Variants in YTHDF3 observed in about 807,000 individuals in gnomAD.
YTHDF3 encodes the protein YTH domain-containing family protein 3.
In YTHDF3, 9 loss-of-function variants were observed where a neutral mutation model predicts 52.5. The observed-to-expected ratio is 0.17, with a 90% CI of 0.10 to 0.30. The LOEUF (loss-of-function observed/expected upper bound fraction) is 0.30, where lower values mean the gene tolerates loss of function less well. YTHDF3 is among the 10% of genes least tolerant of loss of function. YTHDF3 has a pLI of 1.00. For missense variants in YTHDF3, 534 were observed against 715.0 expected, an observed-to-expected ratio of 0.75 and a Z score of 2.89; for synonymous variants, 274 against 243.3, an observed-to-expected ratio of 1.13 and a Z score of -1.18.
At chr8:63,206,383 T>G (rs976482893) in intron 4 of YTHDF3, among the ~76,000 whole-genome samples, 13 of 152,280 alleles carry the variant, frequency 8.5e-5, no homozygotes, top group African/African-American at 1.9e-4. Flanking sequence ...TTCTTTTGCC[T>G]GCTCCAAACT....
chr8:63,176,448 T>G (rs1807697959), intron 3 of YTHDF3, among the ~76,000 whole-genome samples: 1 of 151,554 alleles, frequency 6.6e-6, no homozygotes, highest in South Asian at 2.1e-4. Flanking sequence ...CCCGGGTAAT[T>G]TTTTTGTATT....
chr8:63,169,010 T>C (rs1807084357), intron 1 of YTHDF3, 109 bp downstream of exon 1: 3 of 1,477,086 alleles, frequency 2.0e-6, no homozygotes. Flanking sequence ...CCCATAACGG[T>C]GCCCCGGGCG....
chr8:63,181,397 T>C (rs1808127121), intron 3 of YTHDF3, among the ~76,000 whole-genome samples: 1 of 152,244 alleles, frequency 6.6e-6, no homozygotes, highest in African/African-American at 2.4e-5. Flanking sequence ...ATTTATTATA[T>C]GAATGCCCTT....
chr8:63,169,106 G>C (rs1807096894), intron 1 of YTHDF3: 1 of 1,384,076 alleles, frequency 7.2e-7, no homozygotes, highest in African/African-American at 1.5e-5. Flanking sequence ...GCCGCGGCGG[G>C]TGGGGGCAAG....
chr8:63,187,108 A>C lies in YTHDF3; in HGVS notation c.1097A>C (p.Gln366Pro). Reference protein sequence around the residue: ...APRNRGAGFNQNNGAGSENFG... With the variant: ...APRNRGAGFNPNNGAGSENFG... ...CGTAACAGGGGAGCAGGCTTCAACC[A>C]GAACAATGGAGCGGGCAGTGAAAAC... The change falls in exon 4 of 5, where the codon CAG becomes CCG. Residue 366 changes from glutamine (Q) to proline (P), a missense_variant. Transcript: ENST00000539294. 6.2e-7 allele frequency: 1 copy of C among 1,613,914 alleles called. No homozygotes were observed. Among genetic ancestry groups the C allele is most frequent in the South Asian group, 1.1e-5 (1 of 91,076 alleles).
At chr8:63,168,577 G>A (rs993898184), upstream of YTHDF3, 4 of 538,748 alleles carry the variant, frequency 7.4e-6, no homozygotes, top group East Asian at 3.5e-5. Context: ...GAGCGCGGAC[G>A]TCAGAGTGGA....
chr8:63,200,998 TCAG>T (rs1201827825), intron 4 of YTHDF3, among the ~76,000 whole-genome samples: 1 of 152,210 alleles, frequency 6.6e-6, no homozygotes, highest in Non-Finnish European at 1.5e-5. Flanking sequence ...GAATTGTTAT[TCAG>T]CAGGCATTTT....
At position 63,186,238 on chromosome 8, in the gene YTHDF3, G is replaced by T. The variant is rs1352320447; in HGVS notation, c.227G>T (p.Trp76Leu). The change falls in exon 4 of 5, where the codon TGG (tryptophan) becomes TTG (leucine). Residue 76 changes from tryptophan (W) to leucine (L), a missense_variant. Around this residue, in one of 3 missense-constraint regions of YTHDF3, gnomAD observed 196 missense variants for 299.5 expected, o/e 0.65. Transcript: ENST00000539294. ...GFPYSLGEAA[W>L]STAGDQPMPY... ...CCATATTCTCTTGGGGAAGCAGCGTGGTCCACAGCTGGAGACCAGCCTATG... is the reference window on the plus strand; with the variant it reads ...CCATATTCTCTTGGGGAAGCAGCGTTGTCCACAGCTGGAGACCAGCCTATG... 6.2e-7 allele frequency: 1 copy of T among 1,613,824 alleles called. No individual in the cohort carries two copies. Among genetic ancestry groups the T allele is most frequent in the African/African-American group, 1.3e-5 (1 of 74,900 alleles).
chr8:63,192,438 C>T (rs1465555563), intron 4 of YTHDF3, among the ~76,000 whole-genome samples: 1 of 152,134 alleles, frequency 6.6e-6, no homozygotes, highest in East Asian at 1.9e-4. Flanking sequence ...ATTGACCAGC[C>T]TGTGGAGATT....
rs1337298962 is a variant in YTHDF3, at chr8:63,211,626, A to G, written c.*1920A>G. 1.3e-5 allele frequency: 2 copies of G among 152,512 alleles called. No individual in the cohort carries two copies. The highest frequency in any genetic ancestry group is 6.6e-5 in the Admixed American group (1 of 15,262). 9.4% of individuals were successfully genotyped at this position (152,512 alleles called of 1,614,324 possible). ...TCTTTTTCTTGGTGCTTTATTAGCA[A>G]CTCTGGATATTTTTATAAAACTAGT... On this transcript the variant is annotated 3_prime_UTR_variant, in exon 5 of 5. Coordinates refer to ENST00000539294, the MANE Select transcript of YTHDF3 (RefSeq NM_152758.6).
chr8:63,179,222 T>C (rs1807904171), intron 3 of YTHDF3, among the ~76,000 whole-genome samples: 1 of 152,002 alleles, frequency 6.6e-6, no homozygotes, highest in Non-Finnish European at 1.5e-5. Context: ...GTCCTTCATT[T>C]CTTTTTTTTT....
intron 2 of YTHDF3, chr8:63,173,794 T>A: frequency 9.1e-6 from 4 of 441,794 alleles, no homozygotes; most frequent in South Asian, 1.9e-4. Context: ...ATATTTAAAT[T>A]CCATGGAGCA....
At chr8:63,185,843 A>G (rs537022394) in intron 3 of YTHDF3, among the ~76,000 whole-genome samples, 50 of 152,218 alleles carry the variant, frequency 3.3e-4, no homozygotes, top group Non-Finnish European at 5.9e-4. Context: ...AGAAATTATG[A>G]TATTTTTAAA....
At chr8:63,176,064 T>C (rs536885156) in intron 3 of YTHDF3, among the ~76,000 whole-genome samples, 3 of 152,340 alleles carry the variant, frequency 2.0e-5, no homozygotes, top group East Asian at 1.9e-4. Context: ...AATTTAAACA[T>C]TGAAGAACAA....
rs572140296 is a variant in YTHDF3, at chr8:63,198,957, C to T, written c.1735-10726C>T. ...TTTGATACAATAAACTTTTATGTAA[C>T]ATATTTAATTAAATAATGTAACATA... On this transcript the variant is annotated intron_variant, in intron 4 of 4. Coordinates refer to ENST00000539294, the MANE Select transcript of YTHDF3 (RefSeq NM_152758.6). Among the ~76,000 whole-genome samples the T allele has an allele frequency of 6.8e-4, 104 of 151,900 alleles. 3 individuals carry two copies. In the South Asian group the frequency reaches 0.021, roughly 31 times the overall value.
At chr8:63,181,730 C>G (rs967175387) in intron 3 of YTHDF3, among the ~76,000 whole-genome samples, 89 of 152,254 alleles carry the variant, frequency 5.8e-4, no homozygotes, top group African/African-American at 2.0e-3. Context: ...GTGAAGTGCT[C>G]CCAGTTGGAG....
intron 4 of YTHDF3, among the ~76,000 whole-genome samples, chr8:63,193,253 C>G (rs1809025191): frequency 6.6e-6 from 1 of 151,622 alleles, no homozygotes; most frequent in African/African-American, 2.4e-5. Context: ...TGGTGCATGC[C>G]TGTAGTCCCA....
chr8:63,186,948 T>C lies in YTHDF3; in HGVS notation c.937T>C (p.Leu313=). The C allele has an allele frequency of 1.9e-6, 3 of 1,613,888 alleles. No homozygotes were observed. Among genetic ancestry groups the C allele is most frequent in the Non-Finnish European group, 2.5e-6 (3 of 1,179,846 alleles). ...QPQPLIQPPP[L]VQSQLPQQQP... ...TCAGCCATTAATTCAACCACCACCA[T>C]TGGTGCAAAGCCAACTGCCTCAACA... The change falls in exon 4 of 5, where the codon TTG becomes CTG. Residue 313 remains leucine, a synonymous_variant. Transcript: ENST00000539294.
chr8:63,185,712 G>T (rs1352659412), intron 3 of YTHDF3, among the ~76,000 whole-genome samples: 2 of 152,108 alleles, frequency 1.3e-5, no homozygotes, highest in African/African-American at 2.4e-5. Context: ...CTATTATTCG[G>T]CAGAGTTGTC....
Sources: allele counts gnomAD v4.1 joint callset (sites outside exome capture counted in the v4.1 genomes callset), GRCh38; gene constraint gnomAD v4.1.1; regional missense constraint gnomAD v4.1.1; transcripts MANE v1.5; gene names NCBI Gene and HGNC (gene_info 2026-07-23, HGNC 2026-07-21).